Variants in CTNND2 observed in about 807,000 individuals in gnomAD.
CTNND2 encodes catenin delta-2.
A neutral mutation model predicts 144.4 loss-of-function variants in CTNND2; 22 were observed. The observed-to-expected ratio is 0.15, with a 90% CI of 0.11 to 0.22. CTNND2 has a LOEUF of 0.22. Among genes scored for constraint, CTNND2 ranks in the 10% least tolerant of loss-of-function variants. The probability of loss-of-function intolerance (pLI) is 1.00; values close to 1 mark genes in which losing one functional copy is unlikely to be tolerated. For missense variants in CTNND2, 1,353 were observed against 1,618.8 expected, an observed-to-expected ratio of 0.84 and a Z score of 2.82; for synonymous variants, 751 against 695.6, an observed-to-expected ratio of 1.08 and a Z score of -1.25.
chr5:11,168,204 T>C (rs1274118434), intron 11 of CTNND2, among the ~76,000 whole-genome samples: 1 of 152,204 alleles, frequency 6.6e-6, no homozygotes. Flanking sequence ...TCCTAGTTTC[T>C]TTAGAATTCT....
intron 11 of CTNND2, among the ~76,000 whole-genome samples, chr5:11,177,746 T>C (rs534223541): frequency 1.6e-4 from 25 of 152,324 alleles, no homozygotes; most frequent in Non-Finnish European, 2.5e-4. Context: ...CTGAATAATA[T>C]ATTGCAAAAA....
chr5:11,788,671 A>ACAT (rs1790971514), intron 1 of CTNND2, among the ~76,000 whole-genome samples: 1 of 152,056 alleles, frequency 6.6e-6, no homozygotes, highest in Admixed American at 6.6e-5. Flanking sequence ...TGTCTTATTA[A>ACAT]CATTATTATT....
intron 9 of CTNND2, among the ~76,000 whole-genome samples, chr5:11,262,761 CAAAAAAAAAAAA>C (rs11289676): frequency 2.2e-5 from 1 of 45,680 alleles, no homozygotes; most frequent in Non-Finnish European, 3.6e-5. Flanking sequence ...GACTCTGTCT[CAAAAAAAAAAAA>C]AAAAAAAAAA....
At chr5:11,766,285 C>T (rs1419269199) in intron 1 of CTNND2, among the ~76,000 whole-genome samples, 1 of 152,252 alleles carries the variant, frequency 6.6e-6, no homozygotes, top group Admixed American at 6.5e-5. Context: ...GGCTCAGAGC[C>T]GCTTGATGTT....
chr5:11,110,420 G>T (rs16901267), intron 14 of CTNND2, among the ~76,000 whole-genome samples: 3,772 of 152,170 alleles, frequency 0.025, 83 homozygotes, highest in Middle Eastern at 0.061. Context: ...TAAATGCTTC[G>T]AAACCAGCGA....
chr5:11,849,560 T>A (rs1582000242), intron 1 of CTNND2, among the ~76,000 whole-genome samples: 1 of 152,176 alleles, frequency 6.6e-6, no homozygotes, highest in South Asian at 2.1e-4. Context: ...GTCAGTGATA[T>A]GCCCAGAATA....
At chr5:11,183,404 T>C (rs1046670912) in intron 11 of CTNND2, among the ~76,000 whole-genome samples, 6 of 152,220 alleles carry the variant, frequency 3.9e-5, no homozygotes, top group Non-Finnish European at 8.8e-5. Context: ...ATGCACGTGA[T>C]TGGCTGTGCA....
intron 7 of CTNND2, among the ~76,000 whole-genome samples, chr5:11,368,014 G>C (rs2149777107): frequency 6.6e-6 from 1 of 152,282 alleles, no homozygotes; most frequent in Admixed American, 6.5e-5. Flanking sequence ...GGGCAAAACT[G>C]GGGCCTAGAG....
chr5:11,090,436 C>A (rs1305081269), intron 15 of CTNND2, among the ~76,000 whole-genome samples: 1 of 152,242 alleles, frequency 6.6e-6, no homozygotes, highest in Non-Finnish European at 1.5e-5. Flanking sequence ...CTGTTAGGAA[C>A]TGGGCCGTAC....
chr5:11,782,106 A>G (rs1790569977), intron 1 of CTNND2, among the ~76,000 whole-genome samples: 1 of 152,166 alleles, frequency 6.6e-6, no homozygotes, highest in Non-Finnish European at 1.5e-5. Context: ...GTTCCCCTGC[A>G]CACACTCTCT....
chr5:10,982,215 G>C (rs982454491), intron 20 of CTNND2, among the ~76,000 whole-genome samples: 1 of 152,228 alleles, frequency 6.6e-6, no homozygotes, highest in Non-Finnish European at 1.5e-5. Flanking sequence ...TGTATCAGCA[G>C]CTTAGCTTTT....
chr5:11,143,162 C>T (rs1756914150), intron 12 of CTNND2, among the ~76,000 whole-genome samples: 1 of 152,126 alleles, frequency 6.6e-6, no homozygotes, highest in African/African-American at 2.4e-5. Flanking sequence ...GAGGGCTATC[C>T]TATTATTCAG....
intron 12 of CTNND2, among the ~76,000 whole-genome samples, chr5:11,128,838 A>G (rs1755021355): frequency 1.4e-5 from 1 of 70,652 alleles, no homozygotes; most frequent in South Asian, 3.2e-4. Flanking sequence ...ATATTATATT[A>G]AGTATATAAT....
chr5:11,195,463 C>T (rs1465242241), intron 11 of CTNND2, among the ~76,000 whole-genome samples: 1 of 152,088 alleles, frequency 6.6e-6, no homozygotes, highest in African/African-American at 2.4e-5. Flanking sequence ...TATCCAAATC[C>T]GTCCTGAAGA....
At chr5:11,152,416 G>T (rs1757821757) in intron 12 of CTNND2, among the ~76,000 whole-genome samples, 1 of 152,196 alleles carries the variant, frequency 6.6e-6, no homozygotes, top group Non-Finnish European at 1.5e-5. Context: ...TAACCTAGGA[G>T]CAATAGACAT....
chr5:11,186,342 T>A (rs998860253), intron 11 of CTNND2, among the ~76,000 whole-genome samples: 1 of 152,188 alleles, frequency 6.6e-6, no homozygotes, highest in Non-Finnish European at 1.5e-5. Flanking sequence ...TCCACCCCAG[T>A]TAACACTGCC....
intron 16 of CTNND2, among the ~76,000 whole-genome samples, chr5:11,057,135 C>G (rs1746425083): frequency 6.6e-6 from 1 of 152,182 alleles, no homozygotes; most frequent in Non-Finnish European, 1.5e-5. Context: ...GGACAGCTAT[C>G]TCAAGACCAA....
At chr5:11,825,424 A>T (rs1793548721) in intron 1 of CTNND2, among the ~76,000 whole-genome samples, 1 of 152,210 alleles carries the variant, frequency 6.6e-6, no homozygotes, top group African/African-American at 2.4e-5. Flanking sequence ...GAATTTAAAA[A>T]ATTAAACAGA....
rs78046902 is a variant in CTNND2 at position 11,429,321 on chromosome 5, T to A, written c.288-17252A>T. Among the ~76,000 whole-genome samples, 439 of 152,324 alleles carry A rather than the reference T, an allele frequency of 2.9e-3. 3 individuals are homozygous for A. Among genetic ancestry groups the A allele is most frequent in the African/African-American group, 9.3e-3 (386 of 41,570 alleles). On this transcript the variant is annotated intron_variant, in intron 3 of 21. Transcript: ENST00000304623. ...AAACATTATTTTCACTTATAAATGT[T>A]CCATGATGTGTTCCTAGTGGCTTCT...
Sources: gnomAD v4.1 joint callset for allele counts (sites outside exome capture counted in the v4.1 genomes callset) on GRCh38, gnomAD v4.1.1 for gene constraint, MANE v1.5 for transcripts, NCBI Gene and HGNC (gene_info 2026-07-23, HGNC 2026-07-21) for gene names.